The following GAS7 variants were observed in gnomAD, a reference collection of about 807,000 sequenced individuals.
The protein encoded by GAS7 is growth arrest specific 7.
Under a neutral mutation model 71.1 loss-of-function variants are expected in GAS7, and 28 were observed. That is an observed-to-expected ratio of 0.39 (90% CI 0.29 to 0.54). The LOEUF (loss-of-function observed/expected upper bound fraction) is 0.54. Ranked by LOEUF, GAS7 falls within the 20% of genes least tolerant of loss-of-function variation. The probability of loss-of-function intolerance (pLI) is 0.62; values close to 1 mark genes in which losing one functional copy is unlikely to be tolerated. For missense variants in GAS7, 436 were observed against 627.8 expected, an observed-to-expected ratio of 0.69 and a Z score of 3.27; for synonymous variants, 258 against 245.8, an observed-to-expected ratio of 1.05 and a Z score of -0.46.
At chr17:10,039,747 C>T (rs74629981) in intron 1 of GAS7, 12,695 of 455,914 alleles carry the variant, frequency 0.028, 807 homozygotes, top group African/African-American at 0.16. Flanking sequence ...CTCACCATGG[C>T]TCGTCTTGCG....
At chr17:9,976,910 A>G (rs2152124310) in intron 3 of GAS7, among the ~76,000 whole-genome samples, 1 of 152,388 alleles carries the variant, frequency 6.6e-6, no homozygotes, top group South Asian at 2.1e-4. Flanking sequence ...CAAAAGCCAC[A>G]GATGCCTATT....
chr17:10,005,132 T>TGTGC (rs1567879644), intron 2 of GAS7, among the ~76,000 whole-genome samples: 4 of 150,254 alleles, frequency 2.7e-5, no homozygotes, highest in African/African-American at 9.9e-5. Context: ...CATACCAGCA[T>TGTGC]GTGTGCGCGC....
At chr17:10,188,400 C>A (rs2074473029) in intron 1 of GAS7, among the ~76,000 whole-genome samples, 1 of 152,134 alleles carries the variant, frequency 6.6e-6, no homozygotes, top group African/African-American at 2.4e-5. Flanking sequence ...GTAATATACG[C>A]TGATATTTAC....
intron 8 of GAS7, among the ~76,000 whole-genome samples, chr17:9,937,338 T>C (rs2068436687): frequency 6.6e-6 from 1 of 152,216 alleles, no homozygotes; most frequent in African/African-American, 2.4e-5. Context: ...CAGGACACAG[T>C]GTCCTTGGCA....
intron 2 of GAS7, among the ~76,000 whole-genome samples, chr17:9,999,226 T>C (rs944421097): frequency 6.6e-6 from 1 of 152,140 alleles, no homozygotes; most frequent in Non-Finnish European, 1.5e-5. Context: ...TGTGTATAAA[T>C]TATGCTAAAG....
intron 2 of GAS7, among the ~76,000 whole-genome samples, chr17:10,016,612 AAAAAAAAAAAAAC>A (rs1968782631): frequency 6.8e-6 from 1 of 146,708 alleles, no homozygotes; most frequent in Admixed American, 6.8e-5. Context: ...CAAAAAAAAA[AAAAAAAAAAAAAC>A]AAAACAAAAA....
chr17:10,052,268 A>T (rs1339163528), intron 1 of GAS7, among the ~76,000 whole-genome samples: 1 of 152,202 alleles, frequency 6.6e-6, no homozygotes, highest in Non-Finnish European at 1.5e-5. Flanking sequence ...TCCAATATCC[A>T]AAGGCAAATA....
At chr17:10,080,543 T>A (rs2073447550) in intron 1 of GAS7, among the ~76,000 whole-genome samples, 1 of 152,214 alleles carries the variant, frequency 6.6e-6, no homozygotes, top group African/African-American at 2.4e-5. Flanking sequence ...TTGCATAAGA[T>A]CCAAGAACGC....
chr17:9,976,416 AG>A (rs2070205370), intron 3 of GAS7, among the ~76,000 whole-genome samples: 1 of 152,236 alleles, frequency 6.6e-6, no homozygotes, highest in East Asian at 1.9e-4. Context: ...TAATTTCGCA[AG>A]AAGCGAGGGT....
chr17:10,116,929 C>A (rs989478830), intron 1 of GAS7, among the ~76,000 whole-genome samples: 1 of 151,990 alleles, frequency 6.6e-6, no homozygotes, highest in African/African-American at 2.4e-5. Flanking sequence ...GGTGGACCTG[C>A]CAGAGTGAGT....
chr17:10,099,341 C>T (rs1486024345), intron 1 of GAS7, among the ~76,000 whole-genome samples: 1 of 152,178 alleles, frequency 6.6e-6, no homozygotes, highest in Non-Finnish European at 1.5e-5. Flanking sequence ...GCTTCTACCA[C>T]AGACGCCGAA....
Position 10,019,914 on chromosome 17 carries a change from A to G in GAS7, c.184-17T>C. On this transcript the variant is annotated splice_polypyrimidine_tract_variant and intron_variant, in intron 1 of 13. Transcript: ENST00000432992. ...TCCAGGCTTCTGTTGGAGAAGAAAGAAAAGGTCACACCCATTTGGCATTTT... is the reference window on the plus strand; with the variant it reads ...TCCAGGCTTCTGTTGGAGAAGAAAGGAAAGGTCACACCCATTTGGCATTTT... 6.2e-7 allele frequency: 1 copy of G among 1,611,496 alleles called. No homozygotes were observed. Among genetic ancestry groups the G allele is most frequent in the Non-Finnish European group, 8.5e-7 (1 of 1,179,352 alleles).
In GAS7 at chr17:9,949,875, C is replaced by A. The variant is rs1190462575; in HGVS notation, c.526-2892G>T. ...CTGCCCTCCCTCCCTCCCTCCCTTT[C>A]TTTTTTAGACAGAATCTTGCTCTGT... is the stretch of plus-strand genomic sequence containing the variant. On this transcript the variant is annotated intron_variant, in intron 5 of 13. Transcript: ENST00000432992. 4.7e-5 allele frequency among the ~76,000 whole-genome samples: 5 copies of A among 106,930 alleles called. No individual in the cohort carries two copies. The East Asian group carries it at 1.3e-3, about 28-fold the overall frequency. 70.2% of individuals were successfully genotyped at this position (106,930 alleles called of 152,430 possible). A position where few individuals can be genotyped will look rare whatever the true frequency, so the allele number is the denominator to read the frequency against.
intron 5 of GAS7, among the ~76,000 whole-genome samples, chr17:9,952,531 A>C (rs999318966): frequency 2.0e-5 from 3 of 152,096 alleles, no homozygotes; most frequent in Non-Finnish European, 4.4e-5. Context: ...AGCTGGGATT[A>C]CAGGTGCCTG....
intron 1 of GAS7, among the ~76,000 whole-genome samples, chr17:10,078,735 T>C (rs2073423864): frequency 6.6e-6 from 1 of 152,096 alleles, no homozygotes; most frequent in African/African-American, 2.4e-5. Context: ...TAGGGGGATA[T>C]ACAACAGTAT....
At chr17:10,091,363 T>C (rs1008009457) in intron 1 of GAS7, among the ~76,000 whole-genome samples, 1 of 151,956 alleles carries the variant, frequency 6.6e-6, no homozygotes, top group Non-Finnish European at 1.5e-5. Context: ...CACCGAACTG[T>C]TTACTTTAGA....
intron 1 of GAS7, among the ~76,000 whole-genome samples, chr17:10,030,693 G>C (rs1237218739): frequency 2.0e-5 from 3 of 152,206 alleles, no homozygotes; most frequent in Admixed American, 1.3e-4. Context: ...CTCAAATGAG[G>C]CTTTAGTAGA....
At chr17:10,131,434 CCA>C (rs1229703026) in intron 1 of GAS7, among the ~76,000 whole-genome samples, 1 of 152,140 alleles carries the variant, frequency 6.6e-6, no homozygotes, top group Non-Finnish European at 1.5e-5. Flanking sequence ...ACCAGCCTGG[CCA>C]ACATGGCAAA....
At position 9,925,612 on chromosome 17, in the gene GAS7, G is replaced by A. The variant is rs2067972717; in HGVS notation, c.1015-13C>T. The stretch of plus-strand genomic sequence containing the variant: ...GGGCTTTCCGGGCCTGGGGTCCAAG[G>A]ACACGGAGAAGCTGCTCATACAGCT... On this transcript the variant is annotated splice_polypyrimidine_tract_variant and intron_variant, in intron 10 of 13. Coordinates refer to ENST00000432992, the MANE Select transcript of GAS7 (RefSeq NM_201433.2). The A allele has an allele frequency of 1.2e-6, 2 of 1,614,032 alleles. No homozygotes were observed. Among genetic ancestry groups the A allele is most frequent in the Non-Finnish European group, 1.7e-6 (2 of 1,179,988 alleles).
Sources: gnomAD v4.1 joint callset for allele counts (sites outside exome capture counted in the v4.1 genomes callset) on GRCh38, gnomAD v4.1.1 for gene constraint, MANE v1.5 for transcripts, NCBI Gene and HGNC (gene_info 2026-07-23, HGNC 2026-07-21) for gene names.